NBAS: variants seen among roughly 807,000 people sequenced by gnomAD.
NBAS encodes the protein NAG/BC035112 fusion.
NBAS carries 219 observed loss-of-function variants against 302.5 expected under a neutral mutation model. The ratio of observed to expected loss-of-function variants is 0.72; its 90% confidence interval spans 0.65 to 0.81. The LOEUF (loss-of-function observed/expected upper bound fraction) is 0.81. Ranked by LOEUF, NBAS falls within the 30% of genes least tolerant of loss-of-function variation. The pLI is 0.00. For missense variants in NBAS, 2,932 were observed against 2,841.6 expected (o/e 1.03, Z -0.72); for synonymous variants, 1,118 against 1,021.6 (o/e 1.09, Z -1.80).
At chr2:15,220,115 T>A (rs1234868604) in intron 47 of NBAS, among the ~76,000 whole-genome samples, 2 of 141,012 alleles carry the variant, frequency 1.4e-5, no homozygotes, top group African/African-American at 5.4e-5. Flanking sequence ...ACGGGGCGGC[T>A]GGCCGGGCGG....
chr2:15,193,977 CA>C (rs1665488959), intron 48 of NBAS, among the ~76,000 whole-genome samples: 1 of 151,652 alleles, frequency 6.6e-6, no homozygotes, highest in African/African-American at 2.4e-5. Context: ...ACATGGTATT[CA>C]GATATCTTCT....
the NBAS span, among the ~76,000 whole-genome samples, chr2:14,809,415 C>G: frequency 6.6e-6 from 1 of 152,324 alleles, no homozygotes; most frequent in African/African-American, 2.4e-5. Flanking sequence ...CCATGGCTAA[C>G]AGGGGTCAAG....
At chr2:15,078,091 C>T in the NBAS span, among the ~76,000 whole-genome samples, 1 of 152,134 alleles carries the variant, frequency 6.6e-6, no homozygotes, top group South Asian at 2.1e-4. Context: ...TAGGGCCAAG[C>T]ATATGCAAAG....
the NBAS span, among the ~76,000 whole-genome samples, chr2:15,121,236 T>C: frequency 1.3e-5 from 2 of 152,204 alleles, no homozygotes; most frequent in East Asian, 3.9e-4. Context: ...ACAAGCATAC[T>C]ATATCTTTTA....
At chr2:14,961,557 A>G in the NBAS span, among the ~76,000 whole-genome samples, 4 of 152,132 alleles carry the variant, frequency 2.6e-5, no homozygotes, top group Non-Finnish European at 5.9e-5. Context: ...CATGCTTCTT[A>G]TGCAGCCTGC....
chr2:15,101,543 T>C, the NBAS span, among the ~76,000 whole-genome samples: 1 of 151,998 alleles, frequency 6.6e-6, no homozygotes, highest in Admixed American at 6.6e-5. Context: ...ACATATAGTT[T>C]TAAAAAAAGA....
At chr2:14,873,021 T>C in the NBAS span, among the ~76,000 whole-genome samples, 1 of 152,156 alleles carries the variant, frequency 6.6e-6, no homozygotes, top group African/African-American at 2.4e-5. Context: ...AGAAAAAAAG[T>C]TCCACGTGCG....
intron 10 of NBAS, among the ~76,000 whole-genome samples, chr2:15,510,343 A>G (rs1662081553): frequency 1.3e-5 from 2 of 152,164 alleles, no homozygotes; most frequent in African/African-American, 4.8e-5. Context: ...AGTAGAACCA[A>G]TGTCACTTCT....
the NBAS span, among the ~76,000 whole-genome samples, chr2:14,959,832 C>T: frequency 6.6e-6 from 1 of 152,208 alleles, no homozygotes; most frequent in Admixed American, 6.5e-5. Flanking sequence ...CCGTCTCCCC[C>T]AGGCAGTTAA....
At position 15,461,673 on chromosome 2, in the gene NBAS, A is replaced by G. The variant is rs1214373329; in HGVS notation, c.2202+14T>C. 2.0e-6 allele frequency: 3 copies of G among 1,485,150 alleles called. No homozygotes were observed. Among genetic ancestry groups the G allele is most frequent in the East Asian group, 4.6e-5 (2 of 43,952 alleles). 92.0% of individuals were successfully genotyped at this position (1,485,150 alleles called of 1,614,324 possible). A position where few individuals can be genotyped will look rare whatever the true frequency, so the allele number is the denominator to read the frequency against. Reference sequence around the variant, plus strand: ...TAATAACCATAATTATTTTATTTACAAAAAGCAAATTACCTGAGCATAAGT... The same window carrying G: ...TAATAACCATAATTATTTTATTTACGAAAAGCAAATTACCTGAGCATAAGT... On this transcript the variant is annotated intron_variant, in intron 20 of 51. Transcript: ENST00000281513.
At chr2:14,821,737 G>T in the NBAS span, among the ~76,000 whole-genome samples, 3 of 152,100 alleles carry the variant, frequency 2.0e-5, no homozygotes, top group African/African-American at 7.2e-5. Context: ...AATGGGCTGG[G>T]CGCGATGGCT....
the NBAS span, among the ~76,000 whole-genome samples, chr2:14,996,212 T>C: frequency 6.6e-6 from 1 of 152,214 alleles, no homozygotes; most frequent in Non-Finnish European, 1.5e-5. Context: ...GGGACACTAA[T>C]AAGGACAGTA....
intron 38 of NBAS, among the ~76,000 whole-genome samples, chr2:15,320,462 C>G (rs919602889): frequency 5.9e-5 from 9 of 152,174 alleles, no homozygotes; most frequent in Admixed American, 3.3e-4. Flanking sequence ...CAAATTGTCT[C>G]TGTTTGCAGA....
intron 11 of NBAS, among the ~76,000 whole-genome samples, chr2:15,498,495 T>C (rs1182587706): frequency 6.6e-6 from 1 of 152,168 alleles, no homozygotes; most frequent in Non-Finnish European, 1.5e-5. Flanking sequence ...GGAGCATAAA[T>C]TAGTTCAACC....
At chr2:15,265,945 CG>C (rs1669056687) in intron 44 of NBAS, among the ~76,000 whole-genome samples, 1 of 152,150 alleles carries the variant, frequency 6.6e-6, no homozygotes, top group African/African-American at 2.4e-5. Context: ...GCCGATAATA[CG>C]GTTTGGTTCT....
At chr2:15,040,224 G>A in the NBAS span, among the ~76,000 whole-genome samples, 2 of 152,130 alleles carry the variant, frequency 1.3e-5, no homozygotes, top group Admixed American at 6.5e-5. Flanking sequence ...CCTATTGTGT[G>A]TCAGACACAC....
At chr2:15,158,332 T>G in the NBAS span, among the ~76,000 whole-genome samples, 1 of 152,144 alleles carries the variant, frequency 6.6e-6, no homozygotes, top group Non-Finnish European at 1.5e-5. Context: ...TTCTCTCCCT[T>G]TCGGCAAGCC....
chr2:14,969,247 T>C, the NBAS span, among the ~76,000 whole-genome samples: 1 of 152,136 alleles, frequency 6.6e-6, no homozygotes, highest in Non-Finnish European at 1.5e-5. Flanking sequence ...CCTTTTGGAG[T>C]AAGAAAAACA....
chr2:15,445,943 G>T (rs1678715332), intron 21 of NBAS, among the ~76,000 whole-genome samples: 2 of 150,960 alleles, frequency 1.3e-5, no homozygotes, highest in Non-Finnish European at 3.0e-5. Context: ...ATCAATTATA[G>T]ACAAGTCAGA....
Sources: allele counts gnomAD v4.1 joint callset (sites outside exome capture counted in the v4.1 genomes callset), GRCh38; gene constraint gnomAD v4.1.1; transcripts MANE v1.5; gene names NCBI Gene and HGNC (gene_info 2026-07-23, HGNC 2026-07-21).